The following SLC13A2 variants were observed in gnomAD, a reference collection of about 807,000 sequenced individuals.
The protein encoded by SLC13A2 is solute carrier family 13 member 2.
In SLC13A2, 40 loss-of-function variants were observed where a neutral mutation model predicts 58.5. The observed-to-expected ratio is 0.68, with a 90% CI of 0.53 to 0.89. SLC13A2 has a LOEUF of 0.89. Ranked by LOEUF, SLC13A2 falls within the 40% of genes least tolerant of loss-of-function variation. The pLI, the probability that SLC13A2 is intolerant of heterozygous loss-of-function variation, is 0.00. For missense variants in SLC13A2, 694 were observed against 772.6 expected, an observed-to-expected ratio of 0.90 and a Z score of 1.21; for synonymous variants, 341 against 331.6, an observed-to-expected ratio of 1.03 and a Z score of -0.31.
intron 1 of SLC13A2, among the ~76,000 whole-genome samples, chr17:28,475,767 C>T (rs1555599797): frequency 1.3e-5 from 2 of 152,194 alleles, no homozygotes; most frequent in Non-Finnish European, 2.9e-5. Context: ...GACACCTTCT[C>T]CTGGTTCCTG....
In SLC13A2 at chr17:28,496,386, G is replaced by A. The variant is rs933373901; in HGVS notation, c.1471-64G>A. ...TCCCCAGAGAAGCAGGAGAATTGGG[G>A]GCCATGCCCCTCCCTCTGGCTTGGG... On this transcript the variant is annotated intron_variant, in intron 10 of 11. Coordinates refer to ENST00000314669, the MANE Select transcript of SLC13A2 (RefSeq NM_003984.4). This position sits in a 1 kb window ranked among gnomAD's most constrained non-coding sequence, Gnocchi z 4.2. 39 of 1,531,504 alleles carry A rather than the reference G, an allele frequency of 2.5e-5. No homozygotes were observed. Among genetic ancestry groups the A allele is most frequent in the Admixed American group, 3.9e-5 (2 of 50,776 alleles). The allele number at this position is 1,531,504 out of a possible 1,614,324, so 94.9% of individuals were successfully genotyped here.
chr17:28,491,998 C>T (rs782698730), intron 6 of SLC13A2, 146 bp downstream of exon 6: 188 of 1,208,560 alleles, frequency 1.6e-4, no homozygotes, highest in Admixed American at 3.7e-4. Context: ...CACTTGGACC[C>T]CCATTTGAGG....
chr17:28,473,665 C>G lies in SLC13A2; in HGVS notation c.-48C>G, dbSNP rs782207375. 1 of 1,460,002 alleles carries G rather than the reference C, an allele frequency of 6.8e-7. No individual in the cohort carries two copies. Among genetic ancestry groups the G allele is most frequent in the East Asian group, 2.3e-5 (1 of 43,772 alleles). 90.4% of individuals were successfully genotyped at this position (1,460,002 alleles called of 1,614,324 possible). ...GGCTGCATCTTTGGTCCTTCTGTTA[C>G]CCAGCTCCTGGAGGCAGTGGCTGTA... On this transcript the variant is annotated 5_prime_UTR_variant, in exon 1 of 12. Coordinates refer to ENST00000314669, the MANE Select transcript of SLC13A2 (RefSeq NM_003984.4).
chr17:28,490,941 CT>C, intron 4 of SLC13A2, 35 bp downstream of exon 4: 1 of 1,559,404 alleles, frequency 6.4e-7, no homozygotes, highest in Non-Finnish European at 8.7e-7. Context: ...GCCCCAACCC[CT>C]TGGTTCTTGG....
In SLC13A2 at chr17:28,494,434, G is replaced by C. The variant is rs1555604241; in HGVS notation, c.1230G>C (p.Trp410Cys). The C allele has an allele frequency of 6.2e-7, 1 of 1,614,082 alleles. No individual in the cohort carries two copies. Residue 410 changes from tryptophan to cysteine, a missense_variant, in exon 9 of 12, where the codon TGG (tryptophan) becomes TGC (cysteine). Coordinates refer to ENST00000314669, the MANE Select transcript of SLC13A2 (RefSeq NM_003984.4). The surrounding 1 kb of genome is among the most constrained non-coding windows in gnomAD (Gnocchi z 4.0). Reference sequence around the variant, plus strand: ...AGGCCCCTCTTGGCCTCCTCGACTGGAAGACGGTGAACCAGAAGATGCCGT... The same window carrying C: ...AGGCCCCTCTTGGCCTCCTCGACTGCAAGACGGTGAACCAGAAGATGCCGT... ...KLKAPLGLLDWKTVNQKMPWN... is the reference protein window; with the variant it reads ...KLKAPLGLLDCKTVNQKMPWN...
At chr17:28,485,453 A>G (rs1331069170) in intron 1 of SLC13A2, among the ~76,000 whole-genome samples, 2 of 152,132 alleles carry the variant, frequency 1.3e-5, no homozygotes, top group African/African-American at 2.4e-5. Context: ...CTGATCCCCA[A>G]ATCCCCACTT....
At position 28,495,779 on chromosome 17, in the gene SLC13A2, C is replaced by T; in HGVS notation, c.1433C>T (p.Ala478Val). The T allele has an allele frequency of 6.2e-7, 1 of 1,613,470 alleles. No individual in the cohort carries two copies. Among genetic ancestry groups the T allele is most frequent in the Non-Finnish European group, 8.5e-7 (1 of 1,179,944 alleles). The change falls in exon 10 of 12, where the codon GCC (alanine) becomes GTC (valine). Residue 478 changes from alanine (A) to valine (V), a missense_variant. Physicochemically the swap from Ala to Val is moderately conservative, Grantham distance 64. Coordinates refer to ENST00000314669, the MANE Select transcript of SLC13A2 (RefSeq NM_003984.4). ...TTCACCGAGTGCACTAGCAACGTGG[C>T]CACCACTACGATCTTCCTGCCCATC... ...ATFTECTSNV[A>V]TTTIFLPILA...
chr17:28,483,991 G>A (rs2068833254), intron 1 of SLC13A2, among the ~76,000 whole-genome samples: 1 of 152,178 alleles, frequency 6.6e-6, no homozygotes, highest in Admixed American at 6.5e-5. Flanking sequence ...AGCCCACACA[G>A]GCACTCAGAC....
chr17:28,486,743 C>G (rs1555602025), intron 1 of SLC13A2, among the ~76,000 whole-genome samples: 1 of 151,238 alleles, frequency 6.6e-6, no homozygotes, highest in Non-Finnish European at 1.5e-5. Flanking sequence ...CAGCAGGGAG[C>G]AGGGAGCCAT....
At chr17:28,473,873 G>A in intron 1 of SLC13A2, 59 bp downstream of exon 1, 1 of 1,468,962 alleles carries the variant, frequency 6.8e-7, no homozygotes. Flanking sequence ...GGACTGTCTG[G>A]GCCGGGGTTG....
At chr17:28,478,067 A>G (rs546586722) in intron 1 of SLC13A2, among the ~76,000 whole-genome samples, 5 of 152,220 alleles carry the variant, frequency 3.3e-5, no homozygotes, top group African/African-American at 1.2e-4. Flanking sequence ...CAAAAAATAA[A>G]AAAAAAAAGC....
chr17:28,477,927 G>A lies in SLC13A2; in HGVS notation c.102+4113G>A, dbSNP rs541329025. 1.2e-3 allele frequency among the ~76,000 whole-genome samples: 182 copies of A among 152,056 alleles called. 1 individual carries two copies. Among genetic ancestry groups the A allele is most frequent in the Non-Finnish European group, 2.0e-3 (137 of 67,948 alleles). On this transcript the variant is annotated intron_variant, in intron 1 of 11. Coordinates refer to ENST00000314669, the MANE Select transcript of SLC13A2 (RefSeq NM_003984.4). The stretch of plus-strand genomic sequence containing the variant: ...ACAAAAATTAGCCAGGTGTGGTGGC[G>A]CATGCCTGTAATCCCAGCTACTCGG...
In SLC13A2 at chr17:28,473,690, A is replaced by T; in HGVS notation, c.-23A>T. ...CCCAGCTCCTGGAGGCAGTGGCTGT[A>T]GCAGCCCTTGCTGCTCCACACCATG... On this transcript the variant is annotated 5_prime_UTR_variant, in exon 1 of 12. Transcript: ENST00000314669. 6.3e-7 allele frequency: 1 copy of T among 1,589,478 alleles called. No individual in the cohort carries two copies.
Position 28,496,133 on chromosome 17 carries a change from G to C in SLC13A2, c.1470+317G>C, listed in dbSNP as rs1450351212. On this transcript the variant is annotated intron_variant, in intron 10 of 11. Transcript: ENST00000314669. The surrounding 1 kb of genome is among the most constrained non-coding windows in gnomAD (Gnocchi z 4.2). ...TGACGGGGTGAAATTGCTCCCCGAAGCGTCCCAAGCCCCTTCCTCCCCAGG... is the reference window on the plus strand; with the variant it reads ...TGACGGGGTGAAATTGCTCCCCGAACCGTCCCAAGCCCCTTCCTCCCCAGG... Among the ~76,000 whole-genome samples the C allele has an allele frequency of 6.6e-6, 1 of 152,070 alleles. No individual in the cohort carries two copies. The highest frequency in any genetic ancestry group is 1.5e-5 in the Non-Finnish European group (1 of 68,002).
rs1555602680 is a variant in SLC13A2, at chr17:28,489,352, A to T, written c.231+10A>T. On this transcript the variant is annotated intron_variant, in intron 2 of 11. Coordinates refer to ENST00000314669, the MANE Select transcript of SLC13A2 (RefSeq NM_003984.4). ...CGTGGATGCCTCTGAGGTGAGCCCC[A>T]TCCATAGGAGAAAGCGTTCTGGGCA... 6.3e-7 allele frequency: 1 copy of T among 1,581,778 alleles called. No homozygotes were observed. Among genetic ancestry groups the T allele is most frequent in the Admixed American group, 1.7e-5 (1 of 58,482 alleles).
intron 11 of SLC13A2, 71 bp from the exon 12 acceptor site, chr17:28,497,028 C>T (rs2069157895): frequency 6.5e-7 from 1 of 1,542,796 alleles, no homozygotes; most frequent in Admixed American, 1.7e-5. Context: ...CTGTGCACCC[C>T]CAAACACCTG....
Position 28,497,143 on chromosome 17 carries a change from C to T in SLC13A2, c.1653C>T (p.Ile551=), listed in dbSNP as rs11568452. The T allele has an allele frequency of 2.2e-4, 348 of 1,614,082 alleles. 7 individuals are homozygous for T. The African/African-American group carries it at 3.3e-3, about 15-fold the overall frequency. Residue 551 remains isoleucine, a synonymous_variant, in exon 12 of 12, where the codon ATC becomes ATT. Coordinates refer to ENST00000314669, the MANE Select transcript of SLC13A2 (RefSeq NM_003984.4). ...TCAACATCATTGGAGTCCTGATCAT[C>T]GCACTGGCCATCAACAGCTGGGGCA... is the stretch of plus-strand genomic sequence containing the variant. ...FLLNIIGVLI[I]ALAINSWGIP...
intron 1 of SLC13A2, among the ~76,000 whole-genome samples, chr17:28,479,803 C>T (rs1371362069): frequency 2.0e-5 from 3 of 151,912 alleles, no homozygotes; most frequent in African/African-American, 7.3e-5. Context: ...GAGGGTGGCT[C>T]GAGTTCAGGA....
Position 28,491,444 on chromosome 17 carries a change from G to A in SLC13A2, c.582G>A (p.Gly194=), listed in dbSNP as rs1597887238. 2 of 1,613,518 alleles carry A rather than the reference G, an allele frequency of 1.2e-6. No homozygotes were observed. Among genetic ancestry groups the A allele is most frequent in the South Asian group, 1.1e-5 (1 of 91,060 alleles). The change falls in exon 5 of 12, where the codon GGG becomes GGA. Residue 194 remains glycine, a synonymous_variant. Coordinates refer to ENST00000314669, the MANE Select transcript of SLC13A2 (RefSeq NM_003984.4). ...GCTCTCCCTTGTTCCCAGATAATGG[G>A]CAGGCCCTCCCTGTCACGTCTGCCT... ...PQKEVTKLDN[G]QALPVTSASS...
Sources: gnomAD v4.1 joint callset for allele counts (sites outside exome capture counted in the v4.1 genomes callset) on GRCh38, gnomAD v4.1.1 for gene constraint, Gnocchi (gnomAD v3.1) non-coding constraint, MANE v1.5 for transcripts, NCBI Gene and HGNC (gene_info 2026-07-23, HGNC 2026-07-21) for gene names.